The following CACNB2 variants were observed in gnomAD, a reference collection of about 807,000 sequenced individuals.
The protein encoded by CACNB2 is calcium voltage-gated channel auxiliary subunit beta 2, also known as voltage-dependent L-type calcium channel subunit beta-2.
In CACNB2, 42 loss-of-function variants were observed where a neutral mutation model predicts 73.3. The observed-to-expected ratio is 0.57, with a 90% CI of 0.45 to 0.74. The LOEUF (loss-of-function observed/expected upper bound fraction) is 0.74, where lower values mean the gene tolerates loss of function less well. CACNB2 is among the 30% of genes least tolerant of loss of function. CACNB2 has a pLI of 0.00. For synonymous variants in CACNB2, 348 were observed against 310.3 expected, an observed-to-expected ratio of 1.12 and a Z score of -1.28; for missense variants, 940 against 853.0, an observed-to-expected ratio of 1.10 and a Z score of -1.27.
chr10:18,289,271 AT>A (rs930453356), intron 2 of CACNB2, among the ~76,000 whole-genome samples: 16 of 129,246 alleles, frequency 1.2e-4, no homozygotes, highest in African/African-American at 4.4e-4. Context: ...AGTTGTCTTC[AT>A]TTTTTTTTCT....
intron 2 of CACNB2, among the ~76,000 whole-genome samples, chr10:18,224,029 C>T (rs964631021): frequency 1.3e-5 from 2 of 150,070 alleles, no homozygotes; most frequent in Non-Finnish European, 3.0e-5. Flanking sequence ...GACTCATTTT[C>T]ATATCTAGAA....
chr10:18,150,143 T>A (rs2031378977), intron 1 of CACNB2, among the ~76,000 whole-genome samples: 1 of 152,248 alleles, frequency 6.6e-6, no homozygotes, highest in African/African-American at 2.4e-5. Flanking sequence ...TGTAGTTTAT[T>A]CTTAGGGTTC....
At chr10:18,236,247 C>G (rs1371303424) in intron 2 of CACNB2, among the ~76,000 whole-genome samples, 1 of 152,142 alleles carries the variant, frequency 6.6e-6, no homozygotes, top group Non-Finnish European at 1.5e-5. Flanking sequence ...TTCTGTCACT[C>G]TGTCTACTTA....
chr10:18,201,796 C>T lies in CACNB2; in HGVS notation c.213+50821C>T, dbSNP rs575078963. Among the ~76,000 whole-genome samples the T allele has an allele frequency of 1.5e-4, 23 of 152,258 alleles. No homozygotes were observed. In the South Asian group the frequency reaches 4.6e-3, roughly 30 times the overall value. ...GTAACCATCCTGCAGTCTTCTGGAA[C>T]ACCAGAATGTATTCCTCTCATCTAG... On this transcript the variant is annotated intron_variant, in intron 2 of 13. Transcript: ENST00000324631.
chr10:18,371,419 C>T (rs2042578612), intron 2 of CACNB2, among the ~76,000 whole-genome samples: 1 of 152,064 alleles, frequency 6.6e-6, no homozygotes. Context: ...CATGTGTTCT[C>T]ATTGTTCAAT....
intron 3 of CACNB2, among the ~76,000 whole-genome samples, chr10:18,443,401 G>A (rs572810730): frequency 5.2e-4 from 79 of 152,104 alleles, no homozygotes; most frequent in Middle Eastern, 3.4e-3. Flanking sequence ...AGGGGACTTG[G>A]GTGCAGGGCC....
chr10:18,205,839 C>T (rs941940962), intron 2 of CACNB2, among the ~76,000 whole-genome samples: 2 of 152,266 alleles, frequency 1.3e-5, no homozygotes, highest in Non-Finnish European at 2.9e-5. Flanking sequence ...CAAAGAGTTT[C>T]TACAACCCAT....
chr10:18,535,992 G>T, intron 11 of CACNB2, 109 bp from the exon 12 acceptor site: 2 of 688,812 alleles, frequency 2.9e-6, no homozygotes, highest in Non-Finnish European at 5.3e-6. Flanking sequence ...TCTATTATAA[G>T]CCCCTTGTGC....
At chr10:18,238,368 A>G (rs2036528003) in intron 2 of CACNB2, 2 of 152,198 alleles carry the variant, frequency 1.3e-5, no homozygotes, top group African/African-American at 4.8e-5. Context: ...TTCTGTACTG[A>G]TGAAAGCCAT....
chr10:18,332,144 G>A (rs1194387106), intron 2 of CACNB2, among the ~76,000 whole-genome samples: 1 of 152,182 alleles, frequency 6.6e-6, no homozygotes, highest in Non-Finnish European at 1.5e-5. Context: ...GACATGAGTA[G>A]AGGACTTTAA....
chr10:18,377,113 C>G (rs1363235931), intron 2 of CACNB2, among the ~76,000 whole-genome samples: 1 of 152,070 alleles, frequency 6.6e-6, no homozygotes, highest in Non-Finnish European at 1.5e-5. Context: ...ATCTCATGTA[C>G]CACATAAATA....
At chr10:18,141,019 C>G in intron 1 of CACNB2, 163 bp downstream of exon 1, 1 of 1,537,154 alleles carries the variant, frequency 6.5e-7, no homozygotes, top group Non-Finnish European at 8.8e-7. Flanking sequence ...GGACCCTGCC[C>G]CTTTGCGCCT....
intron 2 of CACNB2, among the ~76,000 whole-genome samples, chr10:18,224,066 T>C (rs760325278): frequency 7.2e-5 from 11 of 152,004 alleles, no homozygotes; most frequent in Non-Finnish European, 1.0e-4. Context: ...TGATAAGGAC[T>C]GCTTTTAGGT....
At chr10:18,260,769 C>G (rs775675983) in intron 2 of CACNB2, 16 of 1,002,880 alleles carry the variant, frequency 1.6e-5, no homozygotes, top group African/African-American at 3.5e-5. Context: ...GGAGCAGGAA[C>G]AGCAGCGTGC....
At chr10:18,358,423 A>G (rs987913456) in intron 2 of CACNB2, among the ~76,000 whole-genome samples, 2 of 151,474 alleles carry the variant, frequency 1.3e-5, no homozygotes, top group African/African-American at 2.4e-5. Context: ...CTGAGCAACT[A>G]GTATATGCTA....
In CACNB2 at chr10:18,451,341, C is replaced by T. The variant is rs559058699; in HGVS notation, c.334-47014C>T. Among the ~76,000 whole-genome samples, 56 of 152,298 alleles carry T rather than the reference C, an allele frequency of 3.7e-4. 1 individual carries two copies. The South Asian group carries it at 5.2e-3, about 14-fold the overall frequency. Reference sequence around the variant, plus strand: ...GATTTAGAAGCATAGTGGTGTGTCTCGGGTTCCTGGACCAGGTAGACCCAC... The same window carrying T: ...GATTTAGAAGCATAGTGGTGTGTCTTGGGTTCCTGGACCAGGTAGACCCAC... On this transcript the variant is annotated intron_variant, in intron 3 of 13. Transcript: ENST00000324631.
intron 9 of CACNB2, among the ~76,000 whole-genome samples, chr10:18,524,513 G>A (rs2052253787): frequency 6.6e-6 from 1 of 151,690 alleles, no homozygotes; most frequent in African/African-American, 2.4e-5. Context: ...AAATTAGCTG[G>A]GCACAATGGT....
intron 2 of CACNB2, among the ~76,000 whole-genome samples, chr10:18,208,251 G>C (rs775130580): frequency 4.9e-4 from 74 of 152,258 alleles, no homozygotes; most frequent in Non-Finnish European, 8.2e-4. Flanking sequence ...AGGATGACTT[G>C]AGCTCAGGAG....
Position 18,140,577 on chromosome 10 carries a change from G to T in CACNB2, c.-160G>T, listed in dbSNP as rs1173438191. Reference sequence around the variant, plus strand: ...CGCGCACTGAGCGCCTGGCAGCAGGGCGCCGAGTCCCGGGGCGCTGCGGGG... The same window carrying T: ...CGCGCACTGAGCGCCTGGCAGCAGGTCGCCGAGTCCCGGGGCGCTGCGGGG... On this transcript the variant is annotated 5_prime_UTR_variant, in exon 1 of 14. Coordinates refer to ENST00000324631, the MANE Select transcript of CACNB2 (RefSeq NM_201596.3). 4.3e-6 allele frequency: 2 copies of T among 467,808 alleles called. No individual in the cohort carries two copies. Among genetic ancestry groups the T allele is most frequent in the East Asian group, 3.9e-5 (1 of 25,956 alleles). The allele number at this position is 467,808 out of a possible 1,614,324, so 29.0% of individuals were successfully genotyped here.
Sources: allele counts gnomAD v4.1 joint callset (sites outside exome capture counted in the v4.1 genomes callset), GRCh38; gene constraint gnomAD v4.1.1; transcripts MANE v1.5; gene names NCBI Gene and HGNC (gene_info 2026-07-23, HGNC 2026-07-21).